Variants in PHLDB2 observed in about 807,000 individuals in gnomAD.
The protein encoded by PHLDB2 is pleckstrin homology like domain family B member 2.
Under a neutral mutation model 123.6 loss-of-function variants are expected in PHLDB2, and 71 were observed. The observed-to-expected ratio is 0.57, with a 90% CI of 0.47 to 0.70. The LOEUF (loss-of-function observed/expected upper bound fraction) is 0.70, where lower values mean the gene tolerates loss of function less well. Ranked by LOEUF, PHLDB2 falls within the 30% of genes least tolerant of loss-of-function variation. PHLDB2 has a pLI of 0.00. For synonymous variants in PHLDB2, 547 were observed against 541.6 expected (o/e 1.01, Z -0.14); for missense variants, 1,446 against 1,519.5 (o/e 0.95, Z 0.80).
intron 6 of PHLDB2, among the ~76,000 whole-genome samples, chr3:111,938,233 A>G (rs1262139937): frequency 6.6e-6 from 1 of 152,216 alleles, no homozygotes; most frequent in African/African-American, 2.4e-5. Context: ...TATTTTCAGC[A>G]AAACCCAGCA....
intron 1 of PHLDB2, among the ~76,000 whole-genome samples, chr3:111,794,850 A>G (rs543783363): frequency 4.9e-4 from 74 of 152,286 alleles, no homozygotes; most frequent in African/African-American, 1.8e-3. Context: ...TGGAGCTAGC[A>G]TGCAAAGCAG....
At chr3:111,920,053 A>G (rs2068408031) in intron 4 of PHLDB2, among the ~76,000 whole-genome samples, 1 of 152,204 alleles carries the variant, frequency 6.6e-6, no homozygotes, top group Non-Finnish European at 1.5e-5. Flanking sequence ...TAGAAAAGTT[A>G]AGTGATAAGA....
Position 111,939,490 on chromosome 3 carries a change from G to C in PHLDB2, c.2146G>C (p.Asp716His). 6.2e-7 allele frequency: 1 copy of C among 1,612,550 alleles called. No individual in the cohort carries two copies. The highest frequency in any genetic ancestry group is 8.5e-7 in the Non-Finnish European group (1 of 1,179,520). ...TTCTCCAAAGGATGCTGACCTGTTG[G>C]ATGTTGAAAGCAAACACTTTGAAGA... The part of the protein sequence containing the change: ...QQLKRDADLL[D>H]VESKHFEDLE... The change falls in exon 7 of 18, where the codon GAT becomes CAT. Residue 716 changes from aspartate to histidine, a missense_variant. Physicochemically the swap from Asp to His is moderately conservative, Grantham distance 81 (BLOSUM62 -1). Coordinates refer to ENST00000431670, the MANE Select transcript of PHLDB2 (RefSeq NM_001134438.2).
In PHLDB2 at chr3:111,913,381, C is replaced by T; in HGVS notation, c.1398C>T (p.Arg466=). The T allele has an allele frequency of 1.2e-6, 2 of 1,613,916 alleles. No individual in the cohort carries two copies. Among genetic ancestry groups the T allele is most frequent in the Non-Finnish European group, 8.5e-7 (1 of 1,179,910 alleles). ...LCAEYTKPDS[R]LSTGTTVEDV... is the part of the protein sequence containing the mutation. ...CTGAATACACAAAGCCTGACAGTCG[C>T]TTATCTACTGGGACCACCGTGGAAG... Residue 466 remains arginine, a synonymous_variant, in exon 3 of 18, where the codon CGC becomes CGT. Transcript: ENST00000431670.
intron 6 of PHLDB2, among the ~76,000 whole-genome samples, chr3:111,937,452 A>T (rs1052495990): frequency 2.0e-5 from 3 of 152,062 alleles, no homozygotes; most frequent in African/African-American, 7.2e-5. Context: ...TTCCTTTTGG[A>T]TGTAGATTAT....
At chr3:111,808,508 T>C (rs911786646) in intron 1 of PHLDB2, among the ~76,000 whole-genome samples, 1 of 151,284 alleles carries the variant, frequency 6.6e-6, no homozygotes, top group African/African-American at 2.4e-5. Context: ...TTTTTTTTCA[T>C]CTTTTATTTT....
At chr3:111,933,924 A>G (rs991767946) in intron 6 of PHLDB2, among the ~76,000 whole-genome samples, 3 of 152,152 alleles carry the variant, frequency 2.0e-5, no homozygotes, top group Non-Finnish European at 2.9e-5. Flanking sequence ...TGTGTTCTTT[A>G]TAAACATTGC....
intron 2 of PHLDB2, among the ~76,000 whole-genome samples, chr3:111,892,473 C>T (rs1027358586): frequency 2.0e-5 from 3 of 152,110 alleles, no homozygotes; most frequent in Admixed American, 6.5e-5. Context: ...GTTTTTGATA[C>T]CCATTCTTGA....
Position 111,975,929 on chromosome 3 carries a change from A to T in PHLDB2, c.*1366A>T, listed in dbSNP as rs2072467211. On this transcript the variant is annotated 3_prime_UTR_variant, in exon 18 of 18. Transcript: ENST00000431670. ...TTTGTTAATTTGCAGTGTGGTTTGT[A>T]TACACGTATACGTGTTATCAATAAT... 2.0e-5 allele frequency: 3 copies of T among 152,696 alleles called. No individual in the cohort carries two copies. The allele number at this position is 152,696 out of a possible 1,614,324, so 9.5% of individuals were successfully genotyped here.
intron 1 of PHLDB2, among the ~76,000 whole-genome samples, chr3:111,732,983 C>T (rs182219107): frequency 7.9e-5 from 12 of 152,122 alleles, no homozygotes; most frequent in South Asian, 4.2e-4. Context: ...ATTATATGTG[C>T]GATTTATTAA....
At chr3:111,928,140 A>G (rs2068913623) in intron 5 of PHLDB2, among the ~76,000 whole-genome samples, 1 of 152,220 alleles carries the variant, frequency 6.6e-6, no homozygotes, top group African/African-American at 2.4e-5. Context: ...CGAATATTGC[A>G]TACTGCAATC....
intron 1 of PHLDB2, among the ~76,000 whole-genome samples, chr3:111,739,963 T>A (rs2059576396): frequency 6.6e-6 from 1 of 152,148 alleles, no homozygotes; most frequent in Non-Finnish European, 1.5e-5. Flanking sequence ...TTTAAAATTT[T>A]TTTTTACCTG....
At chr3:111,893,163 A>AT (rs1356216965) in intron 2 of PHLDB2, among the ~76,000 whole-genome samples, 3 of 151,348 alleles carry the variant, frequency 2.0e-5, no homozygotes, top group Admixed American at 2.0e-4. Context: ...GTTTGACAAT[A>AT]TTTTTTGTTT....
At chr3:111,766,465 T>C (rs2060083168) in intron 1 of PHLDB2, among the ~76,000 whole-genome samples, 2 of 150,122 alleles carry the variant, frequency 1.3e-5, no homozygotes. Flanking sequence ...AAAAAGAATC[T>C]GATGAAATCT....
chr3:111,895,390 G>C (rs985717156), intron 2 of PHLDB2, among the ~76,000 whole-genome samples: 5 of 152,174 alleles, frequency 3.3e-5, no homozygotes, highest in Non-Finnish European at 5.9e-5. Flanking sequence ...AAGAGGCCCT[G>C]TATGCCCCTG....
At chr3:111,940,706 T>C in intron 8 of PHLDB2, 61 bp downstream of exon 8, 1 of 976,572 alleles carries the variant, frequency 1.0e-6, no homozygotes, top group African/African-American at 1.7e-5. Flanking sequence ...TCAGGGAAAT[T>C]GCCCCCTTTA....
chr3:111,863,832 T>C (rs895274821), intron 1 of PHLDB2, among the ~76,000 whole-genome samples: 1 of 152,228 alleles, frequency 6.6e-6, no homozygotes, highest in Non-Finnish European at 1.5e-5. Context: ...TTAATGAGTT[T>C]ATGATTATCA....
Position 111,975,223 on chromosome 3 carries a change from C to T in PHLDB2, c.*660C>T, listed in dbSNP as rs1480252933. 6.6e-6 allele frequency: 1 copy of T among 151,736 alleles called. No homozygotes were observed. The highest frequency in any genetic ancestry group is 1.9e-4 in the East Asian group (1 of 5,186). The allele number at this position is 151,736 out of a possible 1,614,324, so 9.4% of individuals were successfully genotyped here. A position where few individuals can be genotyped will look rare whatever the true frequency, so the allele number is the denominator to read the frequency against. On this transcript the variant is annotated 3_prime_UTR_variant, in exon 18 of 18. Transcript: ENST00000431670. ...CAGGAAATTGACTTTGCAGTGTCAC[C>T]ACTGGTGTAAGCTACTATATATGTA...
In PHLDB2 at chr3:111,889,973, G is replaced by A. The variant is rs2066385108; in HGVS notation, c.1335+4561G>A. On this transcript the variant is annotated intron_variant, in intron 2 of 17. Transcript: ENST00000431670. Reference sequence around the variant, plus strand: ...CTACAGCTCCAATTACAGATCAAAAGTGAACACTAGAACACAAAATCTCAC... The same window carrying A: ...CTACAGCTCCAATTACAGATCAAAAATGAACACTAGAACACAAAATCTCAC... Among the ~76,000 whole-genome samples the A allele has an allele frequency of 4.6e-5, 7 of 152,096 alleles. No individual in the cohort carries two copies. In the South Asian group the frequency reaches 1.2e-3, roughly 27 times the overall value.
Sources: gnomAD v4.1 joint callset for allele counts (sites outside exome capture counted in the v4.1 genomes callset) on GRCh38, gnomAD v4.1.1 for gene constraint, MANE v1.5 for transcripts, NCBI Gene and HGNC (gene_info 2026-07-23, HGNC 2026-07-21) for gene names.